RSRC1: variants seen among roughly 807,000 people sequenced by gnomAD.
RSRC1 encodes the protein serine/Arginine-related protein 53.
RSRC1 carries 39 observed loss-of-function variants against 49.1 expected under a neutral mutation model. The observed-to-expected ratio is 0.79, with a 90% confidence interval of 0.61 to 1.04. RSRC1 has a LOEUF of 1.04. Ranked by LOEUF, RSRC1 falls within the 50% of genes least tolerant of loss-of-function variation. RSRC1 has a pLI of 0.00. For missense variants in RSRC1, 388 were observed against 402.4 expected (o/e 0.96, Z 0.31); for synonymous variants, 143 against 130.8 (o/e 1.09, Z -0.63).
At chr3:158,127,505 G>T (rs543577054) in intron 3 of RSRC1, among the ~76,000 whole-genome samples, 3 of 151,460 alleles carry the variant, frequency 2.0e-5, no homozygotes, top group Non-Finnish European at 4.4e-5. Context: ...GTATTCTTTG[G>T]CATTAGCATT....
intron 3 of RSRC1, among the ~76,000 whole-genome samples, chr3:158,172,243 A>G (rs1488664298): frequency 2.0e-5 from 3 of 152,180 alleles, no homozygotes; most frequent in Non-Finnish European, 2.9e-5. Context: ...ATAAACTGAA[A>G]GGAAACCATG....
At chr3:158,281,907 A>C (rs1443899891) in intron 4 of RSRC1, among the ~76,000 whole-genome samples, 10 of 152,202 alleles carry the variant, frequency 6.6e-5, no homozygotes, top group Admixed American at 6.5e-4. Context: ...ATGGTAGCTG[A>C]GGAAACTGGT....
chr3:158,469,295 A>G (rs753480547), intron 7 of RSRC1: 2 of 392,766 alleles, frequency 5.1e-6, no homozygotes, highest in South Asian at 3.9e-5. Flanking sequence ...ATTTTATAAT[A>G]GTTATTTAAT....
chr3:158,541,050 G>A (rs979725770), intron 8 of RSRC1, among the ~76,000 whole-genome samples: 2 of 152,164 alleles, frequency 1.3e-5, no homozygotes, highest in African/African-American at 2.4e-5. Flanking sequence ...GCTGTGTTAA[G>A]GAAGAAATAC....
At chr3:158,538,070 C>T (rs914352210) in intron 8 of RSRC1, among the ~76,000 whole-genome samples, 17 of 151,782 alleles carry the variant, frequency 1.1e-4, no homozygotes, top group African/African-American at 4.1e-4. Context: ...CCCAAAAGTT[C>T]AAAGAGATAT....
chr3:158,326,042 G>A (rs150983624), intron 5 of RSRC1, among the ~76,000 whole-genome samples: 4,032 of 152,158 alleles, frequency 0.026, 162 homozygotes, highest in African/African-American at 0.093. Flanking sequence ...TCTGTTATTG[G>A]TGTATAAGAA....
intron 7 of RSRC1, among the ~76,000 whole-genome samples, chr3:158,477,370 A>G (rs1454999066): frequency 2.0e-5 from 3 of 152,120 alleles, no homozygotes; most frequent in Non-Finnish European, 4.4e-5. Flanking sequence ...TTGATGCAGC[A>G]AGCTTCATTG....
intron 6 of RSRC1, among the ~76,000 whole-genome samples, chr3:158,368,238 C>T (rs1365726917): frequency 1.3e-5 from 2 of 152,154 alleles, no homozygotes; most frequent in Non-Finnish European, 2.9e-5. Flanking sequence ...AGCTAAACCT[C>T]TTTCTTTTGG....
chr3:158,364,816 A>AAAT (rs59055843), intron 6 of RSRC1, among the ~76,000 whole-genome samples: 38,948 of 144,046 alleles, frequency 0.27, 5,607 homozygotes, highest in East Asian at 0.56. Context: ...AGAATGGGAA[A>AAAT]AATAATAATA....
chr3:158,507,342 A>G (rs935236524), intron 7 of RSRC1, among the ~76,000 whole-genome samples: 12 of 152,262 alleles, frequency 7.9e-5, no homozygotes, highest in Middle Eastern at 3.4e-3. Context: ...ATAATTAACT[A>G]TAATATTTAT....
At chr3:158,118,475 G>T (rs1559906634) in intron 1 of RSRC1, among the ~76,000 whole-genome samples, 1 of 150,338 alleles carries the variant, frequency 6.7e-6, no homozygotes, top group Non-Finnish European at 1.5e-5. Context: ...GCGTGCGCGT[G>T]GTTTTTTTAA....
chr3:158,433,660 A>G (rs551195563), intron 6 of RSRC1, among the ~76,000 whole-genome samples: 1 of 152,110 alleles, frequency 6.6e-6, no homozygotes, highest in South Asian at 2.1e-4. Context: ...AGAGAACTAC[A>G]TTTATAAAGC....
intron 5 of RSRC1, among the ~76,000 whole-genome samples, chr3:158,318,267 A>G (rs1035062287): frequency 6.6e-6 from 1 of 152,052 alleles, no homozygotes; most frequent in Admixed American, 6.5e-5. Context: ...ATTCACCCAC[A>G]TGTTACCATA....
chr3:158,258,329 A>G (rs1416418887), intron 4 of RSRC1, among the ~76,000 whole-genome samples: 1 of 145,658 alleles, frequency 6.9e-6, no homozygotes, highest in Non-Finnish European at 1.5e-5. Context: ...ATACTAATCT[A>G]GGATAAAAGT....
At chr3:158,369,612 T>C (rs1560013759) in intron 6 of RSRC1, among the ~76,000 whole-genome samples, 1 of 152,122 alleles carries the variant, frequency 6.6e-6, no homozygotes, top group Non-Finnish European at 1.5e-5. Context: ...CCTTCACATG[T>C]GTGAGTACAG....
chr3:158,341,628 C>A (rs1342523026), intron 5 of RSRC1, among the ~76,000 whole-genome samples: 1 of 152,190 alleles, frequency 6.6e-6, no homozygotes, highest in Admixed American at 6.5e-5. Context: ...GAACCTCTGC[C>A]AGGACAGTGC....
chr3:158,289,669 A>G (rs1726797671), intron 4 of RSRC1, among the ~76,000 whole-genome samples: 1 of 152,248 alleles, frequency 6.6e-6, no homozygotes, highest in East Asian at 1.9e-4. Context: ...TTCGCCAATC[A>G]AGAGAAAAGT....
chr3:158,370,647 C>A (rs1489285376), intron 6 of RSRC1, among the ~76,000 whole-genome samples: 1 of 151,546 alleles, frequency 6.6e-6, no homozygotes, highest in East Asian at 1.9e-4. Flanking sequence ...TTTATTCATT[C>A]AGCAGTTGGT....
intron 4 of RSRC1, among the ~76,000 whole-genome samples, chr3:158,290,223 A>G (rs1260089586): frequency 6.6e-6 from 1 of 151,718 alleles, no homozygotes; most frequent in African/African-American, 2.4e-5. Flanking sequence ...TAACTGAACA[A>G]AGACCATTAG....
Sources: gnomAD v4.1 joint callset for allele counts (sites outside exome capture counted in the v4.1 genomes callset) on GRCh38, gnomAD v4.1.1 for gene constraint, MANE v1.5 for transcripts, NCBI Gene and HGNC (gene_info 2026-07-23, HGNC 2026-07-21) for gene names.